STT3B: variants seen among roughly 807,000 people sequenced by gnomAD.
STT3B encodes dolichyl-diphosphooligosaccharide--protein glycosyltransferase subunit STT3B.
In STT3B, 29 loss-of-function variants were observed where a neutral mutation model predicts 96.8. That is an observed-to-expected ratio of 0.30 (90% CI 0.22 to 0.41). STT3B has a LOEUF of 0.41. STT3B is among the 10% of genes least tolerant of loss of function. The probability of loss-of-function intolerance (pLI) is 1.00; values close to 1 mark genes in which losing one functional copy is unlikely to be tolerated. For synonymous variants in STT3B, 367 were observed against 360.0 expected (o/e 1.02, Z -0.22); for missense variants, 640 against 1,022.3 (o/e 0.63, Z 5.10).
chr3:31,631,996 C>T lies in STT3B; in HGVS notation c.2188-939C>T, dbSNP rs1166928089. Among the ~76,000 whole-genome samples, 3 of 151,926 alleles carry T rather than the reference C, an allele frequency of 2.0e-5. No individual in the cohort carries two copies. The East Asian group carries it at 5.8e-4, about 29-fold the overall frequency. On this transcript the variant is annotated intron_variant, in intron 14 of 15. Coordinates refer to ENST00000295770, the MANE Select transcript of STT3B (RefSeq NM_178862.3). ...TCAGCCTCCTGAGTAGCTGGGACTA[C>T]AGGCACATACCACCACGTCCAGTTA... is the stretch of plus-strand genomic sequence containing the variant.
At chr3:31,617,480 CT>C (rs2125473206) in intron 7 of STT3B, among the ~76,000 whole-genome samples, 1 of 151,964 alleles carries the variant, frequency 6.6e-6, no homozygotes, top group East Asian at 1.9e-4. Flanking sequence ...AAATTGAATT[CT>C]TTCTAAATTT....
At chr3:31,630,560 T>C (rs1156298373) in intron 14 of STT3B, among the ~76,000 whole-genome samples, 3 of 152,246 alleles carry the variant, frequency 2.0e-5, no homozygotes, top group South Asian at 2.1e-4. Flanking sequence ...TGTTTTGCTC[T>C]TGTTAATCTG....
chr3:31,585,738 C>T (rs907526944), intron 3 of STT3B, among the ~76,000 whole-genome samples: 9 of 151,940 alleles, frequency 5.9e-5, no homozygotes, highest in African/African-American at 1.9e-4. Flanking sequence ...AGACAGTAGG[C>T]GTGACCCTGT....
Position 31,533,106 on chromosome 3 carries a change from CG to C in STT3B, c.112del (p.Ala38ProfsTer86). ...ACAGCCGGCACGGCCACCACGGGCCCGGGGCCCAGTGCGCGCACAAGGCGGC... is the reference window on the plus strand; with the variant it reads ...ACAGCCGGCACGGCCACCACGGGCCCGGGCCCAGTGCGCGCACAAGGCGGC... ...GNSRHGHHGP[G>X]AQCAHKAAGG... On this transcript the variant is annotated frameshift_variant, in exon 1 of 16. Coordinates refer to ENST00000295770, the MANE Select transcript of STT3B (RefSeq NM_178862.3). LOFTEE classifies it high-confidence loss of function. The C allele has an allele frequency of 1.4e-6, 2 of 1,431,454 alleles. No individual in the cohort carries two copies. Among genetic ancestry groups the C allele is most frequent in the Admixed American group, 2.9e-5 (1 of 34,872 alleles). The allele number at this position is 1,431,454 out of a possible 1,614,324, so 88.7% of individuals were successfully genotyped here.
chr3:31,595,513 C>T (rs1410977326), intron 3 of STT3B, among the ~76,000 whole-genome samples: 1 of 152,070 alleles, frequency 6.6e-6, no homozygotes, highest in African/African-American at 2.4e-5. Context: ...TTGTTACTCT[C>T]ATTTCTGTTT....
chr3:31,633,290 C>A, intron 15 of STT3B, 143 bp downstream of exon 15: 1 of 734,122 alleles, frequency 1.4e-6, no homozygotes, highest in Non-Finnish European at 2.2e-6. Flanking sequence ...TAAATATCAG[C>A]CTAGCCTGCT....
At chr3:31,581,738 C>A (rs991770567) in intron 3 of STT3B, among the ~76,000 whole-genome samples, 8 of 152,152 alleles carry the variant, frequency 5.3e-5, no homozygotes, top group African/African-American at 1.9e-4. Flanking sequence ...CCCTTCTCTT[C>A]AGTTTTTGGA....
chr3:31,600,543 CAAT>C (rs1279758360), intron 5 of STT3B, 84 bp downstream of exon 5: 2 of 617,248 alleles, frequency 3.2e-6, no homozygotes, highest in Admixed American at 2.7e-5. Context: ...TCTATTTGGT[CAAT>C]ATTATGCATG....
chr3:31,561,695 T>C (rs1697883232), intron 1 of STT3B, among the ~76,000 whole-genome samples: 1 of 152,130 alleles, frequency 6.6e-6, no homozygotes, highest in African/African-American at 2.4e-5. Context: ...CTTTTGGAGG[T>C]GTATCATATT....
chr3:31,590,536 T>C (rs1349407403), intron 3 of STT3B, among the ~76,000 whole-genome samples: 1 of 152,056 alleles, frequency 6.6e-6, no homozygotes, highest in Non-Finnish European at 1.5e-5. Context: ...CTTTGACTCA[T>C]GGGTTTTTTC....
intron 1 of STT3B, among the ~76,000 whole-genome samples, chr3:31,546,630 T>A (rs888414896): frequency 6.6e-6 from 1 of 152,218 alleles, no homozygotes; most frequent in Admixed American, 6.5e-5. Context: ...TTTAAGGTCA[T>A]CTTTGGAAAC....
intron 4 of STT3B, among the ~76,000 whole-genome samples, chr3:31,599,743 T>G (rs1196884691): frequency 6.6e-6 from 1 of 152,202 alleles, no homozygotes; most frequent in African/African-American, 2.4e-5. Context: ...TATTCATTAA[T>G]GTAGACCAAG....
rs756167939 is a variant in STT3B at position 31,534,294 on chromosome 3, C to G, written c.314+982C>G. Among the ~76,000 whole-genome samples, 27 of 152,190 alleles carry G rather than the reference C, an allele frequency of 1.8e-4. 1 individual carries two copies. Among genetic ancestry groups the G allele is most frequent in the Admixed American group, 6.5e-5 (1 of 15,284 alleles). On this transcript the variant is annotated intron_variant, in intron 1 of 15. Transcript: ENST00000295770. ...GAATGTTTTAGGAAATTACCCCACT[C>G]TTAACAACACTAGCTAACTTAGACA... is the stretch of plus-strand genomic sequence containing the variant.
chr3:31,580,708 A>G (rs369349255), intron 3 of STT3B, among the ~76,000 whole-genome samples: 5 of 152,108 alleles, frequency 3.3e-5, no homozygotes, highest in African/African-American at 9.7e-5. Context: ...ATTATTTTAT[A>G]TTGTTCAAAA....
chr3:31,584,478 T>C (rs1012340833), intron 3 of STT3B, among the ~76,000 whole-genome samples: 6 of 152,188 alleles, frequency 3.9e-5, no homozygotes, highest in African/African-American at 1.2e-4. Flanking sequence ...TGGCATGATA[T>C]TGTTTTGTTA....
At chr3:31,584,470 G>A (rs1049247477) in intron 3 of STT3B, among the ~76,000 whole-genome samples, 1 of 151,822 alleles carries the variant, frequency 6.6e-6, no homozygotes, top group African/African-American at 2.4e-5. Flanking sequence ...TTTTTAAGTG[G>A]CATGATATTG....
At chr3:31,628,060 G>A (rs1222546613) in intron 13 of STT3B, among the ~76,000 whole-genome samples, 1 of 151,528 alleles carries the variant, frequency 6.6e-6, no homozygotes, top group African/African-American at 2.4e-5. Context: ...TTGTGTACTT[G>A]TAAGTTGCTA....
At chr3:31,570,468 C>T (rs754217945) in intron 1 of STT3B, among the ~76,000 whole-genome samples, 6 of 152,082 alleles carry the variant, frequency 3.9e-5, no homozygotes, top group East Asian at 3.9e-4. Context: ...CTGAGATGAT[C>T]GTATGAAGAA....
chr3:31,536,261 G>A (rs1697093109), intron 1 of STT3B, among the ~76,000 whole-genome samples: 1 of 152,164 alleles, frequency 6.6e-6, no homozygotes, highest in African/African-American at 2.4e-5. Context: ...GCTACTAATA[G>A]TCGCAACACT....
Sources: allele counts gnomAD v4.1 joint callset (sites outside exome capture counted in the v4.1 genomes callset), GRCh38; gene constraint gnomAD v4.1.1; transcripts MANE v1.5; gene names NCBI Gene and HGNC (gene_info 2026-07-23, HGNC 2026-07-21).